The following GTF3C4 variants were observed in gnomAD, a reference collection of about 807,000 sequenced individuals.
GTF3C4 encodes general transcription factor IIIC subunit 4.
Under a neutral mutation model 67.5 loss-of-function variants are expected in GTF3C4, and 28 were observed. The observed-to-expected ratio is 0.41, with a 90% confidence interval of 0.31 to 0.57. The LOEUF (loss-of-function observed/expected upper bound fraction) is 0.57, where lower values mean the gene tolerates loss of function less well. Among genes scored for constraint, GTF3C4 ranks in the 20% least tolerant of loss-of-function variants. GTF3C4 has a pLI of 0.21. For missense variants in GTF3C4, 831 were observed against 1,033.2 expected (o/e 0.80, Z 2.68); for synonymous variants, 409 against 393.0 (o/e 1.04, Z -0.48).
rs763759650 is a variant in GTF3C4, at chr9:132,678,198, C to G, written c.579C>G (p.Ile193Met). Residue 193 changes from isoleucine to methionine, a missense_variant, in exon 2 of 5, where the codon ATC becomes ATG. Coordinates refer to ENST00000372146, the MANE Select transcript of GTF3C4 (RefSeq NM_012204.4). The surrounding 1 kb of genome is among the most constrained non-coding windows in gnomAD (Gnocchi z 6.5). ...TGACCATGGACAATCGCCTGACCAT[C>G]CAGGCAAATCTCAACAGACTGCAGT... ...AALTMDNRLTIQANLNRLQWV... is the reference protein window; with the variant it reads ...AALTMDNRLTMQANLNRLQWV... The G allele has an allele frequency of 5.6e-6, 9 of 1,614,228 alleles. No individual in the cohort carries two copies. Among genetic ancestry groups the G allele is most frequent in the Non-Finnish European group, 7.6e-6 (9 of 1,180,028 alleles).
rs1353608787 is a variant in GTF3C4, at chr9:132,678,570, T to C, written c.951T>C (p.Phe317=). 6.2e-7 allele frequency: 1 copy of C among 1,614,088 alleles called. No individual in the cohort carries two copies. The highest frequency in any genetic ancestry group is 1.3e-5 in the African/African-American group (1 of 74,940). ...GAATCACCTCTCCCAGTGTATTGTT[T>C]TGGTGGGAATATGAGCACAATAATC... ...ESGITSPSVL[F]WWEYEHNNRK... Residue 317 remains phenylalanine, a synonymous_variant, in exon 2 of 5, where the codon TTT becomes TTC. Transcript: ENST00000372146. The surrounding 1 kb of genome is among the most constrained non-coding windows in gnomAD (Gnocchi z 6.5).
intron 2 of GTF3C4, among the ~76,000 whole-genome samples, chr9:132,680,772 G>C (rs114767428): frequency 1.3e-5 from 2 of 152,200 alleles, no homozygotes; most frequent in Non-Finnish European, 2.9e-5. Context: ...GGTCTTAAGA[G>C]TATTAAGATG....
intron 4 of GTF3C4, among the ~76,000 whole-genome samples, chr9:132,688,214 G>GTAGT (rs1310652778): frequency 1.3e-5 from 2 of 152,210 alleles, no homozygotes; most frequent in African/African-American, 4.8e-5. Context: ...TGTTTCATGT[G>GTAGT]TAGTTCCCTC....
chr9:132,671,049 CG>C, intron 1 of GTF3C4, 94 bp downstream of exon 1: 1 of 848,476 alleles, frequency 1.2e-6, no homozygotes, highest in Non-Finnish European at 1.9e-6. Context: ...ACACTCTGTC[CG>C]GGGATTTCCC....
intron 3 of GTF3C4, 62 bp downstream of exon 3, chr9:132,683,755 T>C (rs574119617): frequency 4.8e-6 from 7 of 1,467,608 alleles, no homozygotes; most frequent in Non-Finnish European, 6.5e-6. Context: ...CACAAACTAC[T>C]GTATGTGACA....
upstream of GTF3C4, chr9:132,670,340 G>A (rs1012377329): frequency 7.0e-7 from 1 of 1,426,930 alleles, no homozygotes; most frequent in Non-Finnish European, 9.2e-7. Context: ...AACAGGCTCT[G>A]GAGCTCAATC....
At position 132,688,900 on chromosome 9, in the gene GTF3C4, G is replaced by T. The variant is rs770857932; in HGVS notation, c.2424G>T (p.Arg808Ser). The change falls in exon 5 of 5, where the codon AGG (arginine) becomes AGT (serine). Residue 808 changes from arginine to serine, a missense_variant. Arg to Ser is a moderately radical substitution (Grantham distance 110). Coordinates refer to ENST00000372146, the MANE Select transcript of GTF3C4 (RefSeq NM_012204.4). ...TTGCAGATCCCGACTGGATTAAGAGGTTACTGCAAAGCCCCTGCCCTTTCT... is the reference window on the plus strand; with the variant it reads ...TTGCAGATCCCGACTGGATTAAGAGTTTACTGCAAAGCCCCTGCCCTTTCT... ...PAPEDPDWIK[R>S]LLQSPCPFCD... 1 of 1,612,782 alleles carries T rather than the reference G, an allele frequency of 6.2e-7. No individual in the cohort carries two copies.
Position 132,679,936 on chromosome 9 carries a change from C to A in GTF3C4, c.2184+133C>A. ...TTAGGTAATTTATTTGCTTGAGGTG[C>A]AGGGTAATAAATAGGAAGCGTGGAT... On this transcript the variant is annotated intron_variant, in intron 2 of 4. Transcript: ENST00000372146. The surrounding 1 kb of genome is among the most constrained non-coding windows in gnomAD (Gnocchi z 5.9). 1 of 727,738 alleles carries A rather than the reference C, an allele frequency of 1.4e-6. No homozygotes were observed. The highest frequency in any genetic ancestry group is 2.2e-6 in the Non-Finnish European group (1 of 449,928). The allele number at this position is 727,738 out of a possible 1,614,324, so 45.1% of individuals were successfully genotyped here. A position where few individuals can be genotyped will look rare whatever the true frequency, so the allele number is the denominator to read the frequency against.
intron 3 of GTF3C4, among the ~76,000 whole-genome samples, chr9:132,685,527 T>C (rs76892281): frequency 6.6e-6 from 1 of 151,918 alleles, no homozygotes; most frequent in South Asian, 2.1e-4. Context: ...TTTTTTTTTT[T>C]TGAGATGGGG....
chr9:132,685,470 C>T (rs1032209475), intron 3 of GTF3C4, among the ~76,000 whole-genome samples: 2 of 151,908 alleles, frequency 1.3e-5, no homozygotes, highest in East Asian at 3.9e-4. Context: ...AATTTACCCC[C>T]TTATTATAAT....
chr9:132,688,864 T>G lies in GTF3C4; in HGVS notation c.2405-17T>G. On this transcript the variant is annotated splice_polypyrimidine_tract_variant and intron_variant, in intron 4 of 4. Coordinates refer to ENST00000372146, the MANE Select transcript of GTF3C4 (RefSeq NM_012204.4). Reference sequence around the variant, plus strand: ...TTCCGAAGCTAACAGTTGATACCACTTGTCCTCCTTTTGCAGATCCCGACT... The same window carrying G: ...TTCCGAAGCTAACAGTTGATACCACGTGTCCTCCTTTTGCAGATCCCGACT... 1 of 1,596,948 alleles carries G rather than the reference T, an allele frequency of 6.3e-7. No individual in the cohort carries two copies. Among genetic ancestry groups the G allele is most frequent in the Non-Finnish European group, 8.6e-7 (1 of 1,164,266 alleles).
intron 1 of GTF3C4, among the ~76,000 whole-genome samples, chr9:132,677,267 T>C (rs1564355039): frequency 6.6e-6 from 1 of 152,184 alleles, no homozygotes; most frequent in Non-Finnish European, 1.5e-5. Flanking sequence ...CTGGGTGTGG[T>C]GGTGCACGCT....
chr9:132,683,473 A>C (rs1056470064), intron 2 of GTF3C4, 90 bp from the exon 3 acceptor site: 94 of 1,174,926 alleles, frequency 8.0e-5, no homozygotes, highest in Middle Eastern at 7.1e-4. Flanking sequence ...TTTTTTCTTT[A>C]TTTTTTAATT....
In GTF3C4 at chr9:132,689,818, C is replaced by T. The variant is rs1836087261; in HGVS notation, c.*873C>T. ...TTCAGTATTTTTAATGTTGACATTT[C>T]CAGATGTTTCATTTAGTATCCAGGG... is the stretch of plus-strand genomic sequence containing the variant. On this transcript the variant is annotated 3_prime_UTR_variant, in exon 5 of 5. Transcript: ENST00000372146. 1.3e-5 allele frequency: 2 copies of T among 152,186 alleles called. No homozygotes were observed. The highest frequency in any genetic ancestry group is 1.3e-4 in the Admixed American group (2 of 15,278). 9.4% of individuals were successfully genotyped at this position (152,186 alleles called of 1,614,324 possible). A position where few individuals can be genotyped will look rare whatever the true frequency, so the allele number is the denominator to read the frequency against.
chr9:132,676,363 G>T (rs1835865476), intron 1 of GTF3C4, among the ~76,000 whole-genome samples: 1 of 149,432 alleles, frequency 6.7e-6, no homozygotes. Flanking sequence ...CCATCACCCA[G>T]GCTGGAGTGC....
At chr9:132,682,696 C>A (rs746934140) in intron 2 of GTF3C4, among the ~76,000 whole-genome samples, 1 of 149,328 alleles carries the variant, frequency 6.7e-6, no homozygotes, top group Admixed American at 6.7e-5. Context: ...CCTCCACTCA[C>A]GGGCTCAGGC....
chr9:132,681,099 C>CA (rs1021785755), intron 2 of GTF3C4, among the ~76,000 whole-genome samples: 46 of 148,498 alleles, frequency 3.1e-4, no homozygotes, highest in Middle Eastern at 3.4e-3. Context: ...AAACCCATCT[C>CA]AAAAAAAAAA....
rs1836101574 is a variant in GTF3C4, at chr9:132,690,576, G to A, written c.*1631G>A. The A allele has an allele frequency of 8.0e-6, 1 of 124,910 alleles. No homozygotes were observed. Among genetic ancestry groups the A allele is most frequent in the Non-Finnish European group, 1.6e-5 (1 of 63,890 alleles). 7.7% of individuals were successfully genotyped at this position (124,910 alleles called of 1,614,324 possible). A position where few individuals can be genotyped will look rare whatever the true frequency, so the allele number is the denominator to read the frequency against. ...AACAGTCTGCTCAGAAATGTTTTCT[G>A]TTTCCTATTCAAATTGCTGTTTTGT... On this transcript the variant is annotated 3_prime_UTR_variant, in exon 5 of 5. Coordinates refer to ENST00000372146, the MANE Select transcript of GTF3C4 (RefSeq NM_012204.4).
intron 1 of GTF3C4, among the ~76,000 whole-genome samples, chr9:132,672,245 C>T (rs1158061439): frequency 6.6e-6 from 1 of 152,114 alleles, no homozygotes; most frequent in Non-Finnish European, 1.5e-5. Flanking sequence ...TAACTGTTTC[C>T]AAGGATGTTC....
Sources: allele counts gnomAD v4.1 joint callset (sites outside exome capture counted in the v4.1 genomes callset), GRCh38; gene constraint gnomAD v4.1.1; non-coding constraint Gnocchi (gnomAD v3.1); transcripts MANE v1.5; gene names NCBI Gene and HGNC (gene_info 2026-07-23, HGNC 2026-07-21).